The following ANKRD18B variants were observed in gnomAD, a reference collection of about 807,000 sequenced individuals.
ANKRD18B encodes ankyrin repeat domain-containing protein 18B.
A neutral mutation model predicts 111.8 loss-of-function variants in ANKRD18B; 75 were observed. That is an observed-to-expected ratio of 0.67 (90% CI 0.56 to 0.81). ANKRD18B has a LOEUF of 0.81. ANKRD18B is among the 40% of genes least tolerant of loss of function. ANKRD18B has a pLI of 0.00. For missense variants in ANKRD18B, 1,038 were observed against 1,225.5 expected (o/e 0.85, Z 2.28); for synonymous variants, 356 against 417.3 (o/e 0.85, Z 1.79).
intron 14 of ANKRD18B, among the ~76,000 whole-genome samples, chr9:33,565,902 T>C (rs1220486878): frequency 2.0e-5 from 3 of 152,192 alleles, no homozygotes; most frequent in African/African-American, 7.2e-5. Context: ...GGAAGAGGGT[T>C]AGACACTTTT....
In ANKRD18B at chr9:33,525,214, GCTGT is replaced by G. The variant is rs1215693676; in HGVS notation, c.206+526_206+529del. Among the ~76,000 whole-genome samples, 11 of 152,252 alleles carry G rather than the reference GCTGT, an allele frequency of 7.2e-5. No individual in the cohort carries two copies. In the South Asian group the frequency reaches 1.2e-3, roughly 17 times the overall value. ...GTTTTATCATTTTTGCATGACACTT[GCTGT>G]CTGTCTTACCATTGTGATGACATTT... is the stretch of plus-strand genomic sequence containing the variant. On this transcript the variant is annotated intron_variant, in intron 1 of 18. Coordinates refer to ENST00000684830, the MANE Select transcript of ANKRD18B (RefSeq NM_001393611.1).
At position 33,528,799 on chromosome 9, in the gene ANKRD18B, G is replaced by C; in HGVS notation, c.279G>C (p.Gln93His). 6.2e-7 allele frequency: 1 copy of C among 1,612,836 alleles called. No homozygotes were observed. The highest frequency in any genetic ancestry group is 1.1e-5 in the South Asian group (1 of 90,884). ...VVTLLLDRKC[Q>H]INICDRLNRT... The stretch of plus-strand genomic sequence containing the variant: ...CTCTCTTGCTGGACAGAAAATGCCA[G>C]ATCAACATCTGTGACAGACTAAACA... The change falls in exon 2 of 19, where the codon CAG (glutamine) becomes CAC (histidine). Residue 93 changes from glutamine (Q) to histidine (H), a missense_variant. Transcript: ENST00000684830.
rs1222770171 is a variant in ANKRD18B at position 33,567,326 on chromosome 9, C to T, written c.2954+12C>T. 3.2e-5 allele frequency: 49 copies of T among 1,530,556 alleles called. No homozygotes were observed. The highest frequency in any genetic ancestry group is 4.1e-5 in the Non-Finnish European group (47 of 1,140,250). 94.8% of individuals were successfully genotyped at this position (1,530,556 alleles called of 1,614,324 possible). On this transcript the variant is annotated intron_variant, in intron 16 of 18. Coordinates refer to ENST00000684830, the MANE Select transcript of ANKRD18B (RefSeq NM_001393611.1). ...GAAAAAATAACGAAGTAAGTCAAAA[C>T]ATATACTCATAGAAAATGAATTAAA...
chr9:33,551,767 C>G (rs913612447), intron 12 of ANKRD18B, among the ~76,000 whole-genome samples: 2 of 152,198 alleles, frequency 1.3e-5, no homozygotes, highest in African/African-American at 4.8e-5. Flanking sequence ...CCATTGGACT[C>G]TATCCTCAGA....
chr9:33,536,526 T>C (rs1307211938), intron 5 of ANKRD18B, among the ~76,000 whole-genome samples: 2 of 152,222 alleles, frequency 1.3e-5, no homozygotes, highest in African/African-American at 2.4e-5. Flanking sequence ...AAAACCTTGA[T>C]TTTTTAGAAG....
Position 33,550,438 on chromosome 9 carries a change from G to C in ANKRD18B, c.2076G>C (p.Val692=). The C allele has an allele frequency of 6.5e-7, 1 of 1,536,234 alleles. No homozygotes were observed. The highest frequency in any genetic ancestry group is 8.8e-7 in the Non-Finnish European group (1 of 1,141,984). Residue 692 remains valine, a synonymous_variant, in exon 12 of 19, where the codon GTG becomes GTC. Transcript: ENST00000684830. The stretch of plus-strand genomic sequence containing the variant: ...CAAAAATATTTTGTCAGGTGATTGT[G>C]AGAGAATTTCAAGAAGAACTGGTCG... ...EKEKAEREVI[V]REFQEELVDH... is the part of the protein sequence containing the mutation.
chr9:33,547,356 G>C (rs1828372020), intron 10 of ANKRD18B, among the ~76,000 whole-genome samples: 1 of 152,106 alleles, frequency 6.6e-6, no homozygotes, highest in Admixed American at 6.6e-5. Context: ...ATATATGTAT[G>C]TAGAAGTGCT....
In ANKRD18B at chr9:33,530,547, A is replaced by C. The variant is rs866608651; in HGVS notation, c.495+1374A>C. ...AAGAGCAAAAAAAAAAAAAAAAAAA[A>C]ACCTCAGTGTTCGAATACACTCCTG... is the stretch of plus-strand genomic sequence containing the variant. On this transcript the variant is annotated intron_variant, in intron 3 of 18. Transcript: ENST00000684830. 6.4e-4 allele frequency among the ~76,000 whole-genome samples: 97 copies of C among 151,088 alleles called. No individual in the cohort carries two copies. In the Middle Eastern group the frequency reaches 0.01, roughly 16 times the overall value.
rs1427197914 is a variant in ANKRD18B, at chr9:33,568,735, T to G, written c.3019T>G (p.Phe1007Val). 1 of 1,551,374 alleles carries G rather than the reference T, an allele frequency of 6.4e-7. No individual in the cohort carries two copies. The highest frequency in any genetic ancestry group is 2.4e-5 in the East Asian group (1 of 40,880). ...TATGGAGAAAGAGCGGATGGAATAT[T>G]TTCTCAGCACTCTTCCTATGAGGCC... ...LFMEKERMEY[F>V]LSTLPMRPDP... is the part of the protein sequence containing the mutation. Residue 1007 changes from phenylalanine (F) to valine (V), a missense_variant, in exon 17 of 19, where the codon TTT becomes GTT. By Grantham distance (50) the Phe-to-Val change is conservative (BLOSUM62 -1). Transcript: ENST00000684830.
Position 33,541,191 on chromosome 9 carries a change from A to AG in ANKRD18B, c.1043dup (p.Leu351IlefsTer25), listed in dbSNP as rs1828273830. ...TGAAAATTTGAAAAAAAGAAAAAAA[A>AG]GAAAAAAATTGAAAAAAAGAAAAGA... On this transcript the variant is annotated frameshift_variant, in exon 9 of 19. Transcript: ENST00000684830. LOFTEE classifies it high-confidence loss of function. 6.5e-7 allele frequency: 1 copy of AG among 1,544,384 alleles called. No homozygotes were observed. Among genetic ancestry groups the AG allele is most frequent in the Non-Finnish European group, 8.7e-7 (1 of 1,144,304 alleles).
intron 5 of ANKRD18B, among the ~76,000 whole-genome samples, chr9:33,535,904 A>T (rs1391938495): frequency 6.6e-6 from 1 of 151,190 alleles, no homozygotes; most frequent in Non-Finnish European, 1.5e-5. Flanking sequence ...AAATGAGAAC[A>T]GAGCTGAGTA....
chr9:33,564,357 G>A (rs1237099757), intron 14 of ANKRD18B, among the ~76,000 whole-genome samples: 1 of 152,142 alleles, frequency 6.6e-6, no homozygotes, highest in Non-Finnish European at 1.5e-5. Flanking sequence ...ACTGATCCAC[G>A]TGGCTACAAG....
chr9:33,526,048 C>T (rs1466237774), intron 1 of ANKRD18B, among the ~76,000 whole-genome samples: 4 of 152,036 alleles, frequency 2.6e-5, no homozygotes, highest in Non-Finnish European at 5.9e-5. Flanking sequence ...TAGTGTTTCT[C>T]CTAAGAGAAT....
intron 13 of ANKRD18B, among the ~76,000 whole-genome samples, chr9:33,557,016 C>T (rs918310713): frequency 6.6e-6 from 1 of 152,074 alleles, no homozygotes; most frequent in African/African-American, 2.4e-5. Context: ...AAGCCCTGAA[C>T]ACAGCTACTT....
intron 17 of ANKRD18B, among the ~76,000 whole-genome samples, chr9:33,570,579 T>G (rs1002027403): frequency 1.3e-5 from 2 of 152,112 alleles, no homozygotes; most frequent in African/African-American, 2.4e-5. Flanking sequence ...GACAGACTTT[T>G]GCTAAGAATT....
At chr9:33,550,628 T>C (rs1477315781) in intron 12 of ANKRD18B, 49 bp downstream of exon 12, 11 of 1,452,486 alleles carry the variant, frequency 7.6e-6, no homozygotes, top group East Asian at 2.5e-5. Flanking sequence ...GCTGGTTGAA[T>C]ACCAGTATCC....
chr9:33,528,612 A>C (rs568711970), intron 1 of ANKRD18B, 115 bp from the exon 2 acceptor site: 1 of 801,318 alleles, frequency 1.2e-6, no homozygotes, highest in East Asian at 2.8e-5. Context: ...TCAAAAGAAA[A>C]TTATTTGTTT....
At chr9:33,562,203 T>G (rs1369885992) in intron 14 of ANKRD18B, among the ~76,000 whole-genome samples, 2 of 151,992 alleles carry the variant, frequency 1.3e-5, no homozygotes, top group Admixed American at 1.3e-4. Context: ...ATTTAGTGCC[T>G]TATGTTTTAC....
chr9:33,543,439 G>A (rs1466113250), intron 10 of ANKRD18B, among the ~76,000 whole-genome samples, 184 bp downstream of exon 10: 1 of 152,142 alleles, frequency 6.6e-6, no homozygotes, highest in Non-Finnish European at 1.5e-5. Flanking sequence ...ATAGTCTATA[G>A]TAAATCATAG....
Sources: allele counts gnomAD v4.1 joint callset (sites outside exome capture counted in the v4.1 genomes callset), GRCh38; gene constraint gnomAD v4.1.1; transcripts MANE v1.5; gene names NCBI Gene and HGNC (gene_info 2026-07-23, HGNC 2026-07-21).